The following CNTNAP2 variants were observed in gnomAD, a reference collection of about 807,000 sequenced individuals.
CNTNAP2 encodes contactin associated protein 2, also known as contactin-associated protein-like 2.
A neutral mutation model predicts 155.2 loss-of-function variants in CNTNAP2; 98 were observed. The ratio of observed to expected loss-of-function variants is 0.63; its 90% CI spans 0.54 to 0.75. The LOEUF (loss-of-function observed/expected upper bound fraction) is 0.75, where lower values mean the gene tolerates loss of function less well. CNTNAP2 is among the 30% of genes least tolerant of loss of function. The pLI, the probability that CNTNAP2 is intolerant of heterozygous loss-of-function variation, is 0.00. For synonymous variants in CNTNAP2, 651 were observed against 631.2 expected (o/e 1.03, Z -0.47); for missense variants, 1,727 against 1,688.1 (o/e 1.02, Z -0.40).
At chr7:147,976,642 G>A (rs140965205) in intron 14 of CNTNAP2, among the ~76,000 whole-genome samples, 83 of 152,296 alleles carry the variant, frequency 5.4e-4, no homozygotes, top group African/African-American at 1.9e-3. Flanking sequence ...GGGTTTCTAT[G>A]GGTCCTGACA....
At chr7:147,562,400 A>G (rs1470016389) in intron 12 of CNTNAP2, 143 bp downstream of exon 12, 3 of 1,068,470 alleles carry the variant, frequency 2.8e-6, no homozygotes, top group African/African-American at 1.6e-5. Flanking sequence ...GTTAGATAAG[A>G]TGATGAAATG....
At chr7:146,979,862 C>G (rs1035948133) in intron 3 of CNTNAP2, among the ~76,000 whole-genome samples, 2 of 152,126 alleles carry the variant, frequency 1.3e-5, no homozygotes, top group Non-Finnish European at 2.9e-5. Flanking sequence ...AAATATAAAT[C>G]AGATGATGAA....
At chr7:148,173,028 T>C (rs746099993) in intron 18 of CNTNAP2, among the ~76,000 whole-genome samples, 26 of 152,218 alleles carry the variant, frequency 1.7e-4, no homozygotes, top group Non-Finnish European at 1.8e-4. Context: ...TAAGCTAAAC[T>C]GCAGAAATGC....
chr7:147,161,246 A>T (rs1220107761), intron 8 of CNTNAP2, among the ~76,000 whole-genome samples: 1 of 152,170 alleles, frequency 6.6e-6, no homozygotes, highest in Non-Finnish European at 1.5e-5. Flanking sequence ...ATGAAGTACC[A>T]GTTGCATAGC....
intron 1 of CNTNAP2, among the ~76,000 whole-genome samples, chr7:146,297,443 T>C (rs967891309): frequency 1.3e-5 from 2 of 151,954 alleles, no homozygotes; most frequent in Non-Finnish European, 2.9e-5. Context: ...GTGATCAAAG[T>C]AGGTAAAACC....
chr7:147,213,402 T>C (rs1460222270), intron 8 of CNTNAP2, among the ~76,000 whole-genome samples: 1 of 152,130 alleles, frequency 6.6e-6, no homozygotes. Context: ...AATAATATTT[T>C]AACCTCACTT....
At chr7:146,372,425 C>G (rs1015710121) in intron 1 of CNTNAP2, among the ~76,000 whole-genome samples, 1 of 152,110 alleles carries the variant, frequency 6.6e-6, no homozygotes, top group African/African-American at 2.4e-5. Context: ...CCATTTCATA[C>G]AAAATTTCTC....
chr7:147,557,924 G>A (rs745927681), intron 11 of CNTNAP2, among the ~76,000 whole-genome samples: 11 of 151,936 alleles, frequency 7.2e-5, no homozygotes, highest in Non-Finnish European at 1.0e-4. Context: ...GTATCCAGGC[G>A]GTAAATGACA....
chr7:146,454,001 C>A, intron 1 of CNTNAP2, among the ~76,000 whole-genome samples: 1 of 151,196 alleles, frequency 6.6e-6, no homozygotes. Context: ...TGAAAACTAT[C>A]AATTAAAAGA....
At chr7:148,281,291 C>T (rs1357638346) in intron 21 of CNTNAP2, among the ~76,000 whole-genome samples, 2 of 152,216 alleles carry the variant, frequency 1.3e-5, no homozygotes, top group Non-Finnish European at 2.9e-5. Flanking sequence ...CAACTTCTCT[C>T]AAGGAAAGTC....
rs535140745 is a variant in CNTNAP2, at chr7:147,870,628, A to C, written c.2099-32937A>C. On this transcript the variant is annotated intron_variant, in intron 13 of 23. Transcript: ENST00000361727. The stretch of plus-strand genomic sequence containing the variant: ...CCAAGGCAATCCTGGCATTCAACAT[A>C]AAATCAGAGAATGCAAATCTTTATA... 4.6e-5 allele frequency among the ~76,000 whole-genome samples: 7 copies of C among 152,322 alleles called. No homozygotes were observed. The South Asian group carries it at 1.4e-3, about 32-fold the overall frequency.
chr7:146,851,913 T>G (rs1794886674), intron 3 of CNTNAP2, among the ~76,000 whole-genome samples: 1 of 152,064 alleles, frequency 6.6e-6, no homozygotes, highest in Non-Finnish European at 1.5e-5. Context: ...CTTGAACTCC[T>G]GAGCTCAAGC....
intron 2 of CNTNAP2, among the ~76,000 whole-genome samples, chr7:146,803,151 G>A (rs1195428358): frequency 6.6e-6 from 1 of 152,114 alleles, no homozygotes; most frequent in Admixed American, 6.6e-5. Flanking sequence ...GATTCTTGAA[G>A]TGGAATGAAC....
At chr7:146,302,167 A>G (rs1800623090) in intron 1 of CNTNAP2, among the ~76,000 whole-genome samples, 3 of 152,200 alleles carry the variant, frequency 2.0e-5, no homozygotes. Context: ...AAGGCATCAT[A>G]TACAATTTGT....
At chr7:146,449,316 T>A (rs1453594095) in intron 1 of CNTNAP2, among the ~76,000 whole-genome samples, 4 of 152,082 alleles carry the variant, frequency 2.6e-5, no homozygotes, top group Non-Finnish European at 5.9e-5. Context: ...GTCATCATAG[T>A]GTTGGTATTT....
At chr7:148,170,462 A>T (rs1018519603) in intron 17 of CNTNAP2, among the ~76,000 whole-genome samples, 1 of 152,240 alleles carries the variant, frequency 6.6e-6, no homozygotes, top group African/African-American at 2.4e-5. Flanking sequence ...TTCAGCGTAG[A>T]GGTGTGAAGC....
At chr7:147,260,719 C>T (rs946735154) in intron 8 of CNTNAP2, among the ~76,000 whole-genome samples, 1 of 152,114 alleles carries the variant, frequency 6.6e-6, no homozygotes, top group African/African-American at 2.4e-5. Context: ...GTGCGTATGC[C>T]TTGAGTTGTG....
At chr7:146,250,601 G>T (rs1049745011) in intron 1 of CNTNAP2, among the ~76,000 whole-genome samples, 6 of 152,162 alleles carry the variant, frequency 3.9e-5, no homozygotes, top group African/African-American at 1.4e-4. Flanking sequence ...CGTGGCCATG[G>T]TGTCTACTGA....
intron 12 of CNTNAP2, among the ~76,000 whole-genome samples, chr7:147,563,447 G>A (rs1800104466): frequency 6.6e-6 from 1 of 152,040 alleles, no homozygotes; most frequent in Non-Finnish European, 1.5e-5. Context: ...TGGCCAACAT[G>A]AGGAAACCCT....
Sources: allele counts gnomAD v4.1 joint callset (sites outside exome capture counted in the v4.1 genomes callset), GRCh38; gene constraint gnomAD v4.1.1; transcripts MANE v1.5; gene names NCBI Gene and HGNC (gene_info 2026-07-23, HGNC 2026-07-21).